The following ITPR2 variants were observed in gnomAD, a reference collection of about 807,000 sequenced individuals.
ITPR2 encodes inositol 1,4,5-trisphosphate-gated calcium channel ITPR2.
ITPR2 carries 207 observed loss-of-function variants against 317.1 expected under a neutral mutation model. The observed-to-expected ratio is 0.65, with a 90% confidence interval of 0.58 to 0.73. The LOEUF is 0.73. Ranked by LOEUF, ITPR2 falls within the 30% of genes least tolerant of loss-of-function variation. ITPR2 has a pLI of 0.00. For missense variants in ITPR2, 2,613 were observed against 3,284.0 expected (o/e 0.80, Z 4.99); for synonymous variants, 1,156 against 1,149.1 (o/e 1.01, Z -0.12).
At chr12:26,344,758 C>T (rs932010574) in intron 55 of ITPR2, among the ~76,000 whole-genome samples, 3 of 152,184 alleles carry the variant, frequency 2.0e-5, no homozygotes, top group African/African-American at 7.2e-5. Context: ...AAGCAAAATC[C>T]AGCACAATTC....
intron 45 of ITPR2, among the ~76,000 whole-genome samples, chr12:26,446,221 C>T (rs1001770640): frequency 3.9e-5 from 6 of 152,006 alleles, no homozygotes; most frequent in African/African-American, 1.4e-4. Context: ...TGCCAGGAAG[C>T]CTTAAGGGTC....
chr12:26,486,113 C>G lies in ITPR2; in HGVS notation c.5802G>C (p.Arg1934=). ...AAAACAGAACAAATACCTGCAATTC[C>G]CGGTTGTGATTCTCACACAGTAACT... The part of the protein sequence containing the change: ...FLQLLCENHN[R]ELQNFLRNQN... The change falls in exon 41 of 57, where the codon CGG becomes CGC. Residue 1934 remains arginine, a synonymous_variant. Transcript: ENST00000381340. 4 of 1,614,056 alleles carry G rather than the reference C, an allele frequency of 2.5e-6. No individual in the cohort carries two copies. Among genetic ancestry groups the G allele is most frequent in the Non-Finnish European group, 3.4e-6 (4 of 1,179,976 alleles).
intron 37 of ITPR2, among the ~76,000 whole-genome samples, chr12:26,499,376 T>G (rs1943021870): frequency 6.6e-6 from 1 of 152,206 alleles, no homozygotes; most frequent in African/African-American, 2.4e-5. Flanking sequence ...GGCTTCCTAT[T>G]TTTCTGTTGT....
At chr12:26,725,875 T>G in intron 2 of ITPR2, 110 bp from the exon 3 acceptor site, 1 of 690,228 alleles carries the variant, frequency 1.4e-6, no homozygotes, top group South Asian at 1.8e-5. Flanking sequence ...TACAGAACAG[T>G]TAAAAGTCAT....
intron 55 of ITPR2, among the ~76,000 whole-genome samples, chr12:26,380,289 C>A (rs746978275): frequency 6.6e-6 from 1 of 152,152 alleles, no homozygotes. Flanking sequence ...AACATCTGTG[C>A]AAAAATGAGG....
At chr12:26,452,102 C>T (rs79267083) in intron 45 of ITPR2, among the ~76,000 whole-genome samples, 7,467 of 152,162 alleles carry the variant, frequency 0.049, 244 homozygotes, top group East Asian at 0.1. Flanking sequence ...AAGGAGTACA[C>T]CCCTCTCCCC....
At chr12:26,640,761 AT>A (rs5797183) in intron 21 of ITPR2, among the ~76,000 whole-genome samples, 127,921 of 152,086 alleles carry the variant, frequency 0.84, 54,042 homozygotes, top group East Asian at 0.97. Context: ...GTCTCTAAAT[AT>A]TTTTTGTGCT....
At position 26,449,068 on chromosome 12, in the gene ITPR2, GA is replaced by G. The variant is rs957843797; in HGVS notation, c.6343-5419del. 1.5e-3 allele frequency among the ~76,000 whole-genome samples: 219 copies of G among 150,514 alleles called. 2 individuals carry two copies. The highest frequency in any genetic ancestry group is 5.0e-3 in the African/African-American group (205 of 41,080). Reference sequence around the variant, plus strand: ...CAGTTTGAGTCCAAGTAAGGATGGAGAAAAAAAAATCAAGAAACTATATTTC... The same window carrying G: ...CAGTTTGAGTCCAAGTAAGGATGGAGAAAAAAAATCAAGAAACTATATTTC... On this transcript the variant is annotated intron_variant, in intron 45 of 56. Transcript: ENST00000381340.
At chr12:26,681,391 G>C (rs1948026963) in intron 13 of ITPR2, among the ~76,000 whole-genome samples, 1 of 151,886 alleles carries the variant, frequency 6.6e-6, no homozygotes, top group South Asian at 2.1e-4. Context: ...CAAGGTTCCA[G>C]TTTCTCTGAA....
At chr12:26,760,809 T>C (rs1244297161) in intron 2 of ITPR2, among the ~76,000 whole-genome samples, 1 of 152,212 alleles carries the variant, frequency 6.6e-6, no homozygotes, top group Admixed American at 6.5e-5. Flanking sequence ...GCAAAGCTAC[T>C]CCTAGGAAAA....
intron 45 of ITPR2, among the ~76,000 whole-genome samples, chr12:26,457,241 C>T (rs542850653): frequency 1.3e-5 from 2 of 152,256 alleles, no homozygotes; most frequent in South Asian, 2.1e-4. Flanking sequence ...TTAACAGAAA[C>T]TTTTAGATAC....
Position 26,480,806 on chromosome 12 carries a change from C to T in ITPR2, c.6123+325G>A, listed in dbSNP as rs553223708. ...AGTGAGCCGAGATCGTGCCACTGCA[C>T]TCCAGCTTGGGCGGCAGAGCTAGAC... On this transcript the variant is annotated intron_variant, in intron 43 of 56. Coordinates refer to ENST00000381340, the MANE Select transcript of ITPR2 (RefSeq NM_002223.4). Among the ~76,000 whole-genome samples, 302 of 152,196 alleles carry T rather than the reference C, an allele frequency of 2.0e-3. 1 individual carries two copies. Among genetic ancestry groups the T allele is most frequent in the Non-Finnish European group, 1.9e-3 (127 of 68,000 alleles).
Position 26,387,528 on chromosome 12 carries a change from TTG to T in ITPR2, c.7761_7762del (p.His2587GlnfsTer15). 1 of 1,613,846 alleles carries T rather than the reference TTG, an allele frequency of 6.2e-7. No individual in the cohort carries two copies. Among genetic ancestry groups the T allele is most frequent in the Non-Finnish European group, 8.5e-7 (1 of 1,179,826 alleles). On this transcript the variant is annotated frameshift_variant, in exon 55 of 57. Transcript: ENST00000381340. LOFTEE classifies it high-confidence loss of function. ...TATGAAGTACAAATAATGCCACATA[TTG>T]TGTTCTGACTTAATGTGCTCCTCAA...
In ITPR2 at chr12:26,392,037, G is replaced by A. The variant is rs185957112; in HGVS notation, c.7697-4443C>T. ...GGGAAACTGGTTGTCTTTCATCTTC[G>A]TAAGTTCTTGCTCTCTAAGCTTCAT... is the stretch of plus-strand genomic sequence containing the variant. On this transcript the variant is annotated intron_variant, in intron 54 of 56. Coordinates refer to ENST00000381340, the MANE Select transcript of ITPR2 (RefSeq NM_002223.4). Among the ~76,000 whole-genome samples the A allele has an allele frequency of 1.2e-4, 19 of 152,192 alleles. No individual in the cohort carries two copies. The East Asian group carries it at 2.3e-3, about 19-fold the overall frequency.
intron 1 of ITPR2, among the ~76,000 whole-genome samples, chr12:26,823,760 T>C (rs1252748830): frequency 1.3e-5 from 2 of 151,650 alleles, no homozygotes; most frequent in South Asian, 4.1e-4. Flanking sequence ...TAACCCATTA[T>C]TGATTTGAAT....
intron 13 of ITPR2, among the ~76,000 whole-genome samples, chr12:26,672,718 A>G (rs1377576959): frequency 6.6e-6 from 1 of 152,050 alleles, no homozygotes; most frequent in Non-Finnish European, 1.5e-5. Context: ...AACTGAAGGA[A>G]ATAGACACAA....
At chr12:26,603,302 A>G (rs1022803900) in intron 26 of ITPR2, among the ~76,000 whole-genome samples, 7 of 152,248 alleles carry the variant, frequency 4.6e-5, no homozygotes, top group African/African-American at 1.7e-4. Context: ...TAAATTACCA[A>G]ATTAATAAAG....
At chr12:26,550,544 G>A (rs1030541741) in intron 36 of ITPR2, among the ~76,000 whole-genome samples, 189 bp from the exon 37 acceptor site, 6 of 151,954 alleles carry the variant, frequency 3.9e-5, no homozygotes, top group African/African-American at 1.4e-4. Flanking sequence ...CATTATTTTT[G>A]TCTTACAACA....
chr12:26,832,728 G>C lies in ITPR2; in HGVS notation c.54C>G (p.Tyr18Ter). ...TGAAGCCGTTGACCGAGCCCTCCGC[G>C]TACAGGGACACGATGTCCCCTATGT... is the stretch of plus-strand genomic sequence containing the variant. ...FLYIGDIVSL[Y>*]AEGSVNGFIS... Residue 18 changes from tyrosine to a stop codon, truncating the protein, a stop_gained, in exon 1 of 57, where the codon TAC becomes TAG. Coordinates refer to ENST00000381340, the MANE Select transcript of ITPR2 (RefSeq NM_002223.4). LOFTEE classifies it high-confidence loss of function. The C allele has an allele frequency of 8.7e-6, 14 of 1,600,162 alleles. No homozygotes were observed. The highest frequency in any genetic ancestry group is 1.2e-5 in the Non-Finnish European group (14 of 1,174,226).
Sources: allele counts gnomAD v4.1 joint callset (sites outside exome capture counted in the v4.1 genomes callset), GRCh38; gene constraint gnomAD v4.1.1; transcripts MANE v1.5; gene names NCBI Gene and HGNC (gene_info 2026-07-23, HGNC 2026-07-21).